NSUN7: variants seen among roughly 807,000 people sequenced by gnomAD.
NSUN7 encodes the protein protein NSUN7.
Under a neutral mutation model 58.5 loss-of-function variants are expected in NSUN7, and 39 were observed. The observed-to-expected ratio is 0.67, with a 90% confidence interval of 0.52 to 0.87. The LOEUF is 0.87. Ranked by LOEUF, NSUN7 falls within the 40% of genes least tolerant of loss-of-function variation. The pLI is 0.00. For missense variants in NSUN7, 765 were observed against 844.1 expected (o/e 0.91, Z 1.16); for synonymous variants, 278 against 303.7 (o/e 0.92, Z 0.88).
intron 10 of NSUN7, among the ~76,000 whole-genome samples, chr4:40,799,791 T>C (rs1281699118): frequency 6.6e-6 from 1 of 152,206 alleles, no homozygotes; most frequent in Admixed American, 6.5e-5. Context: ...TTGAAAGCAA[T>C]ATTACATGTC....
intron 7 of NSUN7, among the ~76,000 whole-genome samples, chr4:40,777,363 C>T (rs1274850559): frequency 6.6e-6 from 1 of 151,700 alleles, no homozygotes; most frequent in Non-Finnish European, 1.5e-5. Context: ...ATGGAGTCTC[C>T]CTCTTGTTGC....
intron 7 of NSUN7, among the ~76,000 whole-genome samples, chr4:40,778,584 A>G (rs1337097011): frequency 6.6e-6 from 1 of 152,210 alleles, no homozygotes; most frequent in Non-Finnish European, 1.5e-5. Flanking sequence ...GCAGGCCCAC[A>G]CCAGACACTG....
chr4:40,799,050 C>A, intron 10 of NSUN7, 146 bp downstream of exon 10: 1 of 267,528 alleles, frequency 3.7e-6, no homozygotes, highest in Non-Finnish European at 6.8e-6. Context: ...ACAAATTTAA[C>A]CAAGATTCCA....
intron 4 of NSUN7, among the ~76,000 whole-genome samples, chr4:40,767,186 T>G (rs1262342656): frequency 6.6e-6 from 1 of 152,190 alleles, no homozygotes; most frequent in Non-Finnish European, 1.5e-5. Context: ...GGGTGTCAAT[T>G]TTGGATCTTT....
intron 7 of NSUN7, chr4:40,785,981 C>T (rs1315106902): frequency 1.5e-6 from 2 of 1,294,524 alleles, no homozygotes; most frequent in Middle Eastern, 2.3e-4. Flanking sequence ...TCCCCAGCGG[C>T]TGGGAGAGAC....
intron 7 of NSUN7, among the ~76,000 whole-genome samples, chr4:40,787,419 A>G (rs1742883434): frequency 6.6e-6 from 1 of 152,126 alleles, no homozygotes; most frequent in South Asian, 2.1e-4. Context: ...TTCATCAAGA[A>G]AAAGAACATA....
chr4:40,777,578 A>C (rs1335539887), intron 7 of NSUN7, among the ~76,000 whole-genome samples: 1 of 152,182 alleles, frequency 6.6e-6, no homozygotes, highest in Non-Finnish European at 1.5e-5. Context: ...GGCCTCCCAA[A>C]GTGCTAGGAT....
chr4:40,779,896 A>G (rs111851838), intron 7 of NSUN7, among the ~76,000 whole-genome samples: 1,813 of 152,304 alleles, frequency 0.012, 16 homozygotes, highest in African/African-American at 0.018. Flanking sequence ...AATTTCTGGG[A>G]CAATGAGTAA....
At chr4:40,761,011 A>AT (rs992006080) in intron 3 of NSUN7, among the ~76,000 whole-genome samples, 160 bp from the exon 4 acceptor site, 43 of 148,916 alleles carry the variant, frequency 2.9e-4, no homozygotes, top group African/African-American at 8.7e-4. Flanking sequence ...TTTTTTCTGG[A>AT]TTTTTTCTAT....
chr4:40,807,092 T>C lies in NSUN7; in HGVS notation c.1432T>C (p.Leu478=). The change falls in exon 11 of 12, where the codon TTA becomes CTA. Residue 478 remains leucine, a synonymous_variant. Transcript: ENST00000381782. ...LSPPVLPLCS[L]KEIQLSTDKF... ...TCCTCCTGTTCTTCCACTGTGCTCC[T>C]TAAAGGAAATTCAATTGTCTACTGA... is the stretch of plus-strand genomic sequence containing the variant. The C allele has an allele frequency of 6.4e-7, 1 of 1,551,850 alleles. No individual in the cohort carries two copies. Among genetic ancestry groups the C allele is most frequent in the African/African-American group, 1.4e-5 (1 of 73,172 alleles).
At chr4:40,757,472 C>G (rs1741197536) in intron 2 of NSUN7, among the ~76,000 whole-genome samples, 1 of 149,614 alleles carries the variant, frequency 6.7e-6, no homozygotes, top group Non-Finnish European at 1.5e-5. Flanking sequence ...CATGGTAAGG[C>G]AAGGAGCATC....
intron 2 of NSUN7, among the ~76,000 whole-genome samples, chr4:40,753,430 C>T (rs777233388): frequency 7.2e-5 from 11 of 152,104 alleles, no homozygotes; most frequent in Admixed American, 2.0e-4. Context: ...CCTGCCACCA[C>T]GCCTGGCTAA....
intron 2 of NSUN7, among the ~76,000 whole-genome samples, chr4:40,755,317 T>C (rs1741087767): frequency 6.6e-6 from 1 of 152,160 alleles, no homozygotes; most frequent in Non-Finnish European, 1.5e-5. Flanking sequence ...CTTGATCTCC[T>C]GACCTTGTGG....
chr4:40,774,724 T>C (rs779518720), intron 5 of NSUN7, 43 bp from the exon 6 acceptor site: 1 of 1,221,284 alleles, frequency 8.2e-7, no homozygotes, highest in Non-Finnish European at 1.2e-6. Context: ...ACGTTTTTAA[T>C]GTATTATATT....
chr4:40,805,045 A>G (rs907968641), intron 10 of NSUN7, among the ~76,000 whole-genome samples: 1 of 152,098 alleles, frequency 6.6e-6, no homozygotes, highest in African/African-American at 2.4e-5. Flanking sequence ...AGTGTTATCC[A>G]CGGCAGCGAG....
chr4:40,755,287 C>T (rs1386367768), intron 2 of NSUN7, among the ~76,000 whole-genome samples: 1 of 152,142 alleles, frequency 6.6e-6, no homozygotes, highest in African/African-American at 2.4e-5. Context: ...GACGGGGTTT[C>T]ACCATGTTAC....
chr4:40,777,761 G>A (rs1041978689), intron 7 of NSUN7, among the ~76,000 whole-genome samples: 7 of 152,174 alleles, frequency 4.6e-5, no homozygotes, highest in African/African-American at 9.7e-5. Context: ...TTTATCAGAC[G>A]TGGACTTTAG....
At position 40,761,173 on chromosome 4, in the gene NSUN7, A is replaced by C. The variant is rs1388032424; in HGVS notation, c.360A>C (p.Pro120=). The change falls in exon 4 of 12, where the codon CCA becomes CCC. Residue 120 remains proline, a splice_region_variant and synonymous_variant. Coordinates refer to ENST00000381782, the MANE Select transcript of NSUN7 (RefSeq NM_024677.6). ...TTATATATGTTTTCCCTTGTTAGCC[A>C]GATCATTTGAGCAGTCTTATTATTG... ...DSCIFPSTTI[P]DHLSSLIIVM... The C allele has an allele frequency of 3.8e-6, 6 of 1,577,470 alleles. No individual in the cohort carries two copies. The highest frequency in any genetic ancestry group is 5.1e-6 in the Non-Finnish European group (6 of 1,167,604).
chr4:40,780,747 A>G (rs931778846), intron 7 of NSUN7, among the ~76,000 whole-genome samples: 2 of 147,654 alleles, frequency 1.4e-5, no homozygotes, highest in Non-Finnish European at 3.0e-5. Flanking sequence ...TTATGTAAAC[A>G]TTGAAATACA....
Sources: gnomAD v4.1 joint callset for allele counts (sites outside exome capture counted in the v4.1 genomes callset) on GRCh38, gnomAD v4.1.1 for gene constraint, MANE v1.5 for transcripts, NCBI Gene and HGNC (gene_info 2026-07-23, HGNC 2026-07-21) for gene names.